The following FAM149B1 variants were observed in gnomAD, a reference collection of about 807,000 sequenced individuals.
FAM149B1 encodes the protein primary cilium assembly protein FAM149B1.
A neutral mutation model predicts 75.3 loss-of-function variants in FAM149B1; 56 were observed. The observed-to-expected ratio is 0.74, with a 90% CI of 0.60 to 0.93. FAM149B1 has a LOEUF of 0.93. Among genes scored for constraint, FAM149B1 ranks in the 40% least tolerant of loss-of-function variants. FAM149B1 has a pLI of 0.00. For missense variants in FAM149B1, 639 were observed against 708.4 expected (o/e 0.90, Z 1.11); for synonymous variants, 259 against 256.1 (o/e 1.01, Z -0.11).
At chr10:73,192,777 T>C in intron 4 of FAM149B1, 79 bp downstream of exon 4, 1 of 1,275,054 alleles carries the variant, frequency 7.8e-7, no homozygotes, top group Non-Finnish European at 1.1e-6. Flanking sequence ...AAAGCTTGTA[T>C]TCTGAAATCT....
At chr10:73,169,148 T>C (rs1255909905) in intron 1 of FAM149B1, 3 of 115,618 alleles carry the variant, frequency 2.6e-5, no homozygotes, top group Non-Finnish European at 5.2e-5. Context: ...ACCCCATCTC[T>C]ACTAAAAATG....
At chr10:73,178,017 G>T (rs1408577311) in intron 3 of FAM149B1, 42 bp downstream of exon 3, 1 of 1,502,172 alleles carries the variant, frequency 6.7e-7, no homozygotes, top group Non-Finnish European at 8.9e-7. Context: ...CTTGGGAGAT[G>T]ATTCTGGGAA....
intron 3 of FAM149B1, among the ~76,000 whole-genome samples, chr10:73,179,208 C>T (rs1346272552): frequency 6.6e-6 from 1 of 152,126 alleles, no homozygotes; most frequent in East Asian, 1.9e-4. Flanking sequence ...TGTAATCTGC[C>T]CGCCTCAGCC....
At chr10:73,191,133 C>T (rs909011417) in intron 3 of FAM149B1, among the ~76,000 whole-genome samples, 26 of 152,048 alleles carry the variant, frequency 1.7e-4, no homozygotes, top group Admixed American at 9.2e-4. Flanking sequence ...CTCCGCCTCC[C>T]GGGTTCAAGA....
chr10:73,168,481 C>A, intron 1 of FAM149B1, 95 bp downstream of exon 1: 1 of 1,418,114 alleles, frequency 7.1e-7, no homozygotes, highest in Non-Finnish European at 9.5e-7. Flanking sequence ...TTTCCCAGGG[C>A]TGGGGAGAGA....
rs971058076 is a variant in FAM149B1, at chr10:73,172,832, A to G, written c.48-1855A>G. On this transcript the variant is annotated intron_variant, in intron 1 of 13. Transcript: ENST00000242505. ...AAGAAAGGTGAAATTGGCCGAGTGC[A>G]GTGGCTCATGTCTTGAATCCCAGTA... Among the ~76,000 whole-genome samples, 7 of 152,180 alleles carry G rather than the reference A, an allele frequency of 4.6e-5. No homozygotes were observed. In the East Asian group the frequency reaches 1.3e-3, roughly 29 times the overall value.
chr10:73,188,818 A>G (rs2042607575), intron 3 of FAM149B1, among the ~76,000 whole-genome samples: 1 of 147,042 alleles, frequency 6.8e-6, no homozygotes, highest in African/African-American at 2.6e-5. Context: ...AGGAAAGGAC[A>G]GATCACAGAT....
chr10:73,240,670 C>T (rs1335145614), intron 13 of FAM149B1, among the ~76,000 whole-genome samples: 1 of 151,494 alleles, frequency 6.6e-6, no homozygotes, highest in African/African-American at 2.4e-5. Context: ...CGAGATCATG[C>T]CACTGCACCT....
chr10:73,210,343 A>C lies in FAM149B1; in HGVS notation c.803A>C (p.Glu268Ala). The C allele has an allele frequency of 6.4e-7, 1 of 1,551,386 alleles. No individual in the cohort carries two copies. Among genetic ancestry groups the C allele is most frequent in the Non-Finnish European group, 8.7e-7 (1 of 1,146,608 alleles). ...ATTGCTCCATTTTACTGCATGAAAG[A>C]AGATGTCCTTGCTTATGTGTTTGAC... ...PPIAPFYCMK[E>A]DVLAYVFDSV... Residue 268 changes from glutamate (E) to alanine (A), a missense_variant, in exon 7 of 14, where the codon GAA becomes GCA. Coordinates refer to ENST00000242505, the MANE Select transcript of FAM149B1 (RefSeq NM_173348.2).
chr10:73,196,635 A>G (rs1487801690), intron 5 of FAM149B1, among the ~76,000 whole-genome samples: 2 of 152,150 alleles, frequency 1.3e-5, no homozygotes, highest in East Asian at 3.8e-4. Flanking sequence ...TATATTCTCC[A>G]CATTAAATCA....
At chr10:73,189,643 CA>C (rs1476961497) in intron 3 of FAM149B1, among the ~76,000 whole-genome samples, 1 of 152,194 alleles carries the variant, frequency 6.6e-6, no homozygotes, top group African/African-American at 2.4e-5. Context: ...AAGCCAAACA[CA>C]AAAAGTGCAT....
At chr10:73,193,656 G>C in intron 5 of FAM149B1, 63 bp downstream of exon 5, 1 of 1,466,740 alleles carries the variant, frequency 6.8e-7, no homozygotes. Context: ...TGTCCTACCA[G>C]TTGTATTAAG....
chr10:73,208,613 T>TC lies in FAM149B1; in HGVS notation c.543-4dup, dbSNP rs2043119050. On this transcript the variant is annotated splice_polypyrimidine_tract_variant and splice_region_variant and intron_variant, in intron 5 of 13. Transcript: ENST00000242505. Reference sequence around the variant, plus strand: ...ATTAATATTTACTTCTTTTTTCCACTCCAAGATTTGGTATAAGGGGAAAGA... The same window carrying TC: ...ATTAATATTTACTTCTTTTTTCCACTCCCAAGATTTGGTATAAGGGGAAAGA... 1.3e-6 allele frequency: 2 copies of TC among 1,492,650 alleles called. No individual in the cohort carries two copies. Among genetic ancestry groups the TC allele is most frequent in the East Asian group, 5.0e-5 (2 of 39,888 alleles). 92.5% of individuals were successfully genotyped at this position (1,492,650 alleles called of 1,614,324 possible). A position where few individuals can be genotyped will look rare whatever the true frequency, so the allele number is the denominator to read the frequency against.
At chr10:73,211,592 A>G (rs922294533) in intron 7 of FAM149B1, among the ~76,000 whole-genome samples, 30 of 152,342 alleles carry the variant, frequency 2.0e-4, no homozygotes, top group African/African-American at 6.7e-4. Flanking sequence ...ACAGGTATTT[A>G]GTAAATATTT....
chr10:73,200,954 G>A (rs546932026), intron 5 of FAM149B1: 2 of 439,216 alleles, frequency 4.6e-6, no homozygotes, highest in African/African-American at 4.1e-5. Flanking sequence ...ACTATCATGA[G>A]GGAATTCTGA....
intron 5 of FAM149B1, among the ~76,000 whole-genome samples, chr10:73,199,215 G>GTTT (rs2042877944): frequency 6.6e-6 from 1 of 151,520 alleles, no homozygotes; most frequent in Non-Finnish European, 1.5e-5. Flanking sequence ...TGTTGTTGTT[G>GTTT]TTGTTGTTGT....
intron 3 of FAM149B1, among the ~76,000 whole-genome samples, chr10:73,188,504 A>T (rs182759919): frequency 1.3e-5 from 2 of 152,190 alleles, no homozygotes; most frequent in South Asian, 2.1e-4. Flanking sequence ...TACATACCTC[A>T]TTAAGAAATG....
chr10:73,173,273 A>C (rs1843793962), intron 1 of FAM149B1, among the ~76,000 whole-genome samples: 1 of 152,242 alleles, frequency 6.6e-6, no homozygotes, highest in Non-Finnish European at 1.5e-5. Context: ...ATAATTTAAA[A>C]GCCAGGAAAA....
intron 7 of FAM149B1, among the ~76,000 whole-genome samples, chr10:73,216,737 C>T (rs946524859): frequency 6.6e-6 from 1 of 152,202 alleles, no homozygotes; most frequent in Non-Finnish European, 1.5e-5. Flanking sequence ...GCAACATCAA[C>T]TCAAACTTGG....
Sources: gnomAD v4.1 joint callset for allele counts (sites outside exome capture counted in the v4.1 genomes callset) on GRCh38, gnomAD v4.1.1 for gene constraint, MANE v1.5 for transcripts, NCBI Gene and HGNC (gene_info 2026-07-23, HGNC 2026-07-21) for gene names.